The following CADM2 variants were observed in gnomAD, a reference collection of about 807,000 sequenced individuals.
The protein encoded by CADM2 is immunoglobulin superfamily member 4D.
In CADM2, 12 loss-of-function variants were observed where a neutral mutation model predicts 49.8. That is an observed-to-expected ratio of 0.24 (90% CI 0.15 to 0.39). The LOEUF (loss-of-function observed/expected upper bound fraction) is 0.39. Among genes scored for constraint, CADM2 ranks in the 10% least tolerant of loss-of-function variants. The probability of loss-of-function intolerance (pLI) is 1.00; values close to 1 mark genes in which losing one functional copy is unlikely to be tolerated. For missense variants in CADM2, 378 were observed against 492.3 expected, an observed-to-expected ratio of 0.77 and a Z score of 2.20; for synonymous variants, 214 against 175.4, an observed-to-expected ratio of 1.22 and a Z score of -1.74.
intron 1 of CADM2, among the ~76,000 whole-genome samples, chr3:85,284,861 G>A (rs1240511642): frequency 2.0e-5 from 3 of 151,952 alleles, no homozygotes; most frequent in African/African-American, 4.8e-5. Flanking sequence ...ATTTTGTACT[G>A]TAAAAAAGAT....
intron 1 of CADM2, among the ~76,000 whole-genome samples, chr3:85,334,822 G>A (rs1164649601): frequency 1.3e-5 from 2 of 151,346 alleles, no homozygotes; most frequent in Non-Finnish European, 3.0e-5. Context: ...GCATGAAGAA[G>A]CTATTAGAGG....
chr3:85,731,256 T>C (rs1456324070), intron 2 of CADM2, among the ~76,000 whole-genome samples: 1 of 152,214 alleles, frequency 6.6e-6, no homozygotes, highest in Non-Finnish European at 1.5e-5. Flanking sequence ...GAGATTTTTA[T>C]CTTAAGTCAG....
At chr3:85,432,666 C>T (rs1285196842) in intron 1 of CADM2, among the ~76,000 whole-genome samples, 1 of 152,110 alleles carries the variant, frequency 6.6e-6, no homozygotes, top group Non-Finnish European at 1.5e-5. Flanking sequence ...ATTCTAGACT[C>T]CAGTCCTGCA....
intron 1 of CADM2, among the ~76,000 whole-genome samples, chr3:85,056,911 G>T (rs1445860439): frequency 1.3e-5 from 2 of 152,022 alleles, no homozygotes; most frequent in African/African-American, 2.4e-5. Flanking sequence ...ATCTCTGAAG[G>T]TTTAAAAATA....
chr3:86,006,620 G>C (rs1411489226), intron 8 of CADM2, among the ~76,000 whole-genome samples: 2 of 152,148 alleles, frequency 1.3e-5, no homozygotes, highest in African/African-American at 2.4e-5. Flanking sequence ...GGACTCCCTA[G>C]AGCTTCAGAT....
chr3:85,443,267 T>A (rs1272257051), intron 1 of CADM2, among the ~76,000 whole-genome samples: 1 of 152,140 alleles, frequency 6.6e-6, no homozygotes, highest in African/African-American at 2.4e-5. Flanking sequence ...TCCTGTATTA[T>A]GCCTAGCAAT....
At chr3:85,249,018 G>A (rs955545587) in intron 1 of CADM2, among the ~76,000 whole-genome samples, 1 of 152,096 alleles carries the variant, frequency 6.6e-6, no homozygotes, top group African/African-American at 2.4e-5. Flanking sequence ...TAGGATACTT[G>A]TTTGGCTTCA....
chr3:85,057,059 G>A (rs1007789322), intron 1 of CADM2, among the ~76,000 whole-genome samples: 51 of 152,072 alleles, frequency 3.4e-4, no homozygotes, highest in Non-Finnish European at 2.4e-4. Flanking sequence ...ATAATCTCTC[G>A]AATTCATTGT....
intron 4 of CADM2, 115 bp from the exon 5 acceptor site, chr3:85,886,075 A>C: frequency 6.1e-6 from 9 of 1,468,586 alleles, no homozygotes; most frequent in Non-Finnish European, 8.2e-6. Flanking sequence ...GTTCATCTTG[A>C]TCGAACTTCT....
chr3:85,683,492 C>A (rs2066100385), intron 1 of CADM2, among the ~76,000 whole-genome samples: 1 of 152,142 alleles, frequency 6.6e-6, no homozygotes, highest in Non-Finnish European at 1.5e-5. Flanking sequence ...TCCTGCTCTA[C>A]TTATTCTTGT....
chr3:85,947,054 A>T (rs1426280482), intron 7 of CADM2, among the ~76,000 whole-genome samples: 1 of 152,102 alleles, frequency 6.6e-6, no homozygotes, highest in Admixed American at 6.6e-5. Context: ...TCATCTGGCA[A>T]ATGGCTAATA....
chr3:85,747,506 G>C (rs2068664204), intron 2 of CADM2, among the ~76,000 whole-genome samples: 1 of 152,068 alleles, frequency 6.6e-6, no homozygotes, highest in African/African-American at 2.4e-5. Flanking sequence ...TAGGATACAG[G>C]AGAAAGTGAA....
At chr3:85,785,464 T>C (rs2070927646) in intron 2 of CADM2, among the ~76,000 whole-genome samples, 1 of 152,104 alleles carries the variant, frequency 6.6e-6, no homozygotes, top group African/African-American at 2.4e-5. Context: ...TTTGATTTTG[T>C]GTTAATCTGA....
chr3:85,999,094 T>C (rs1729799219), intron 8 of CADM2, among the ~76,000 whole-genome samples: 1 of 152,174 alleles, frequency 6.6e-6, no homozygotes, highest in African/African-American at 2.4e-5. Flanking sequence ...CAAGTGAAGA[T>C]ATCTAATTAA....
intron 1 of CADM2, among the ~76,000 whole-genome samples, chr3:85,019,365 C>T (rs1197234125): frequency 6.6e-6 from 1 of 152,066 alleles, no homozygotes; most frequent in Non-Finnish European, 1.5e-5. Context: ...TGCCTGTTGT[C>T]CCAGCAACTC....
At chr3:85,152,833 C>A (rs546170892) in intron 1 of CADM2, among the ~76,000 whole-genome samples, 1 of 151,610 alleles carries the variant, frequency 6.6e-6, no homozygotes, top group East Asian at 1.9e-4. Flanking sequence ...GGCGTGGTGG[C>A]GGGTGCTTGT....
chr3:85,372,433 A>ATGTGTATATG (rs148950753), intron 1 of CADM2, among the ~76,000 whole-genome samples: 5 of 131,272 alleles, frequency 3.8e-5, no homozygotes, highest in Non-Finnish European at 8.7e-5. Context: ...GTGTGTATAT[A>ATGTGTATATG]TGTATATATG....
intron 2 of CADM2, among the ~76,000 whole-genome samples, chr3:85,731,297 A>G (rs1369722996): frequency 6.6e-6 from 1 of 152,130 alleles, no homozygotes; most frequent in African/African-American, 2.4e-5. Context: ...ATCATGTAGT[A>G]TTTCTTATAT....
chr3:85,875,926 T>A (rs1711767926), intron 3 of CADM2, among the ~76,000 whole-genome samples: 1 of 152,112 alleles, frequency 6.6e-6, no homozygotes, highest in African/African-American at 2.4e-5. Flanking sequence ...CATCTTCCCA[T>A]AGGTAGAACT....
Sources: allele counts gnomAD v4.1 joint callset (sites outside exome capture counted in the v4.1 genomes callset), GRCh38; gene constraint gnomAD v4.1.1; transcripts MANE v1.5; gene names NCBI Gene and HGNC (gene_info 2026-07-23, HGNC 2026-07-21).